Variants in PSD3 observed in about 807,000 individuals in gnomAD.
PSD3 encodes pleckstrin and Sec7 domain containing 3, also known as PH and SEC7 domain-containing protein 3.
Under a neutral mutation model 105.5 loss-of-function variants are expected in PSD3, and 49 were observed. The ratio of observed to expected loss-of-function variants is 0.46; its 90% CI spans 0.37 to 0.59. The LOEUF (loss-of-function observed/expected upper bound fraction) is 0.59. Ranked by LOEUF, PSD3 falls within the 20% of genes least tolerant of loss-of-function variation. The probability of loss-of-function intolerance (pLI) is 0.00; values close to 1 mark genes in which losing one functional copy is unlikely to be tolerated. For missense variants in PSD3, 1,561 were observed against 1,263.8 expected (o/e 1.24, Z -3.57); for synonymous variants, 557 against 457.8 (o/e 1.22, Z -2.77).
intron 2 of PSD3, among the ~76,000 whole-genome samples, chr8:18,917,388 G>T (rs1820693567): frequency 6.6e-6 from 1 of 152,120 alleles, no homozygotes; most frequent in Non-Finnish European, 1.5e-5. Context: ...AGCTAAAAGT[G>T]ATCATGGCAC....
intron 2 of PSD3, among the ~76,000 whole-genome samples, chr8:18,901,222 G>C (rs914626267): frequency 1.3e-5 from 2 of 151,972 alleles, no homozygotes; most frequent in Non-Finnish European, 2.9e-5. Flanking sequence ...TCAAATTGTT[G>C]CAAATCTCCC....
chr8:18,748,161 C>T (rs1299524356), intron 9 of PSD3, among the ~76,000 whole-genome samples: 1 of 150,642 alleles, frequency 6.6e-6, no homozygotes. Context: ...TATTTTAGCC[C>T]TTATGTATAC....
At chr8:18,772,464 T>C (rs1211742385) in intron 8 of PSD3, among the ~76,000 whole-genome samples, 6 of 152,226 alleles carry the variant, frequency 3.9e-5, no homozygotes, top group Non-Finnish European at 8.8e-5. Flanking sequence ...TTTGCATTTC[T>C]AGATTAGAGA....
intron 11 of PSD3, among the ~76,000 whole-genome samples, chr8:18,601,297 C>A (rs900266285): frequency 6.6e-6 from 1 of 152,112 alleles, no homozygotes; most frequent in Non-Finnish European, 1.5e-5. Flanking sequence ...CAATTAAAAT[C>A]TATAACTGGA....
chr8:18,731,365 G>T (rs190611202), intron 9 of PSD3, among the ~76,000 whole-genome samples: 1 of 152,214 alleles, frequency 6.6e-6, no homozygotes, highest in Non-Finnish European at 1.5e-5. Flanking sequence ...CAGAAGGATG[G>T]AAACAGCAAA....
intron 14 of PSD3, among the ~76,000 whole-genome samples, chr8:18,564,555 G>A (rs951573958): frequency 6.6e-6 from 1 of 151,728 alleles, no homozygotes; most frequent in African/African-American, 2.4e-5. Context: ...CTTGAACCTG[G>A]GAGGTGGAGG....
At chr8:18,870,759 C>A (rs1196659495) in intron 3 of PSD3, among the ~76,000 whole-genome samples, 1 of 151,806 alleles carries the variant, frequency 6.6e-6, no homozygotes, top group East Asian at 1.9e-4. Context: ...TACCAGGGAA[C>A]AACTGAATTA....
chr8:18,670,335 G>A (rs1380539660), intron 9 of PSD3, among the ~76,000 whole-genome samples: 1 of 152,202 alleles, frequency 6.6e-6, no homozygotes, highest in African/African-American at 2.4e-5. Context: ...AAAAGTTAGA[G>A]GTTTATTCTG....
intron 11 of PSD3, among the ~76,000 whole-genome samples, chr8:18,603,758 C>T (rs1296921486): frequency 6.6e-6 from 1 of 152,120 alleles, no homozygotes; most frequent in African/African-American, 2.4e-5. Flanking sequence ...TAAGTGAATG[C>T]TCGTGAGATC....
chr8:18,820,022 T>A (rs188895384), intron 4 of PSD3, among the ~76,000 whole-genome samples: 2 of 152,220 alleles, frequency 1.3e-5, no homozygotes, highest in Non-Finnish European at 2.9e-5. Context: ...AAAGATGCTA[T>A]AAAAGGTACT....
intron 8 of PSD3, among the ~76,000 whole-genome samples, chr8:18,768,116 CA>C (rs774203727): frequency 0.2 from 19,098 of 97,134 alleles, 2,188 homozygotes; most frequent in East Asian, 0.53. Flanking sequence ...ACTGAAAATA[CA>C]AAAAAAAAAA....
At chr8:18,871,569 A>G in intron 3 of PSD3, 57 bp downstream of exon 3, 2 of 1,521,946 alleles carry the variant, frequency 1.3e-6, no homozygotes. Context: ...ACAGGATAAC[A>G]GTTTTCTATG....
chr8:18,819,800 A>C (rs1162264082), intron 4 of PSD3, among the ~76,000 whole-genome samples: 1 of 151,926 alleles, frequency 6.6e-6, no homozygotes, highest in Non-Finnish European at 1.5e-5. Context: ...GATGATCTTG[A>C]TCTCCTGACC....
intron 1 of PSD3, among the ~76,000 whole-genome samples, chr8:19,002,978 A>G (rs1159919160): frequency 6.6e-6 from 1 of 152,142 alleles, no homozygotes; most frequent in East Asian, 1.9e-4. Context: ...GCTAAGTATA[A>G]CCTACCATCC....
intron 4 of PSD3, among the ~76,000 whole-genome samples, chr8:18,814,635 G>A (rs1032561751): frequency 3.9e-5 from 6 of 152,130 alleles, no homozygotes; most frequent in African/African-American, 1.4e-4. Flanking sequence ...AACTCTTACT[G>A]GATATCCAGC....
In PSD3 at chr8:18,889,442, C is replaced by G. The variant is rs552204676; in HGVS notation, c.131-16709G>C. Among the ~76,000 whole-genome samples, 4 of 152,202 alleles carry G rather than the reference C, an allele frequency of 2.6e-5. No individual in the cohort carries two copies. The South Asian group carries it at 8.3e-4, about 32-fold the overall frequency. On this transcript the variant is annotated intron_variant, in intron 2 of 15. Coordinates refer to ENST00000327040, the MANE Select transcript of PSD3 (RefSeq NM_015310.4). ...TCCAGAGCCACAGCAGGTAATATTC[C>G]CCCATCCTAAATCACCCAGGCCCAG...
At chr8:18,914,469 TAA>T (rs1259037287) in intron 2 of PSD3, among the ~76,000 whole-genome samples, 6 of 152,124 alleles carry the variant, frequency 3.9e-5, no homozygotes, top group Admixed American at 3.3e-4. Context: ...ACAGAAATCC[TAA>T]AGAGTCCACC....
At chr8:18,677,127 G>A (rs1800104381) in intron 9 of PSD3, among the ~76,000 whole-genome samples, 1 of 152,164 alleles carries the variant, frequency 6.6e-6, no homozygotes, top group Non-Finnish European at 1.5e-5. Flanking sequence ...TCTTAAAAAA[G>A]ACATTTATTT....
At chr8:18,655,109 G>A (rs201650730) in intron 10 of PSD3, among the ~76,000 whole-genome samples, 4 of 151,748 alleles carry the variant, frequency 2.6e-5, no homozygotes, top group Non-Finnish European at 4.4e-5. Flanking sequence ...GGATCACGAG[G>A]TCAGGAGATC....
Sources: gnomAD v4.1 joint callset for allele counts (sites outside exome capture counted in the v4.1 genomes callset) on GRCh38, gnomAD v4.1.1 for gene constraint, MANE v1.5 for transcripts, NCBI Gene and HGNC (gene_info 2026-07-23, HGNC 2026-07-21) for gene names.